The following ANXA8 variants were observed in gnomAD, a reference collection of about 807,000 sequenced individuals.
ANXA8 encodes the protein VAC-beta.
In ANXA8, 9 loss-of-function variants were observed where a neutral mutation model predicts 26.8. The observed-to-expected ratio is 0.34, with a 90% CI of 0.20 to 0.59. ANXA8 has a LOEUF of 0.59. ANXA8 is among the 20% of genes least tolerant of loss of function. The pLI is 0.84. For missense variants in ANXA8, 83 were observed against 238.5 expected (o/e 0.35, Z 4.29); for synonymous variants, 39 against 94.8 (o/e 0.41, Z 3.42).
chr10:47,939,966 C>A, the ANXA8 span, among the ~76,000 whole-genome samples: 1 of 139,186 alleles, frequency 7.2e-6, no homozygotes, highest in African/African-American at 2.7e-5. Context: ...TCCAGCACCC[C>A]CTCACTCCCA....
At chr10:47,703,467 C>G in the ANXA8 span, among the ~76,000 whole-genome samples, 7 of 150,168 alleles carry the variant, frequency 4.7e-5, no homozygotes, top group African/African-American at 1.7e-4. Context: ...ATTCGGGAGG[C>G]TGAGGTGGGA....
chr10:47,484,417 C>T (rs1839981582), upstream of ANXA8: 3 of 1,105,832 alleles, frequency 2.7e-6, no homozygotes, highest in South Asian at 1.4e-5. Context: ...ATGGAGTATG[C>T]CATTTAATCA....
At chr10:47,559,142 C>CT in the ANXA8 span, among the ~76,000 whole-genome samples, 3,333 of 73,278 alleles carry the variant, frequency 0.045, 540 homozygotes, top group African/African-American at 0.12. Context: ...TGGAGTCTTA[C>CT]TTTTTTTTTT....
the ANXA8 span, among the ~76,000 whole-genome samples, chr10:47,946,012 CA>C: frequency 7.1e-6 from 1 of 140,994 alleles, no homozygotes; most frequent in Non-Finnish European, 1.5e-5. Flanking sequence ...GTGGCTAACA[CA>C]TTTTTTTTAG....
chr10:47,953,111 C>T, the ANXA8 span, among the ~76,000 whole-genome samples: 5 of 150,258 alleles, frequency 3.3e-5, no homozygotes, highest in Non-Finnish European at 4.4e-5. Context: ...ATAAATGGGC[C>T]TTATTGAAAT....
chr10:47,572,539 A>C, the ANXA8 span, among the ~76,000 whole-genome samples: 1 of 151,102 alleles, frequency 6.6e-6, no homozygotes, highest in Non-Finnish European at 1.5e-5. Context: ...AACATGGTGA[A>C]ACCCCGTCTC....
the ANXA8 span, among the ~76,000 whole-genome samples, chr10:47,540,534 A>C: frequency 8.5e-6 from 1 of 117,790 alleles, no homozygotes; most frequent in African/African-American, 3.1e-5. Context: ...AAAACGCATG[A>C]TCCTTAAGAG....
chr10:47,702,267 A>C, the ANXA8 span, among the ~76,000 whole-genome samples: 7 of 151,250 alleles, frequency 4.6e-5, no homozygotes, highest in Non-Finnish European at 1.5e-5. Flanking sequence ...AGCACAGCAC[A>C]GATGCAGTTA....
chr10:47,711,853 C>T, the ANXA8 span, among the ~76,000 whole-genome samples: 5 of 45,792 alleles, frequency 1.1e-4, no homozygotes, highest in Non-Finnish European at 2.0e-4. Flanking sequence ...GTATTGAAAA[C>T]GTATGAATCC....
the ANXA8 span, among the ~76,000 whole-genome samples, chr10:47,958,213 T>C: frequency 8.7e-5 from 13 of 150,016 alleles, 2 homozygotes; most frequent in Non-Finnish European, 1.6e-4. Context: ...GCGTGGTGGT[T>C]CATGCCTGTA....
chr10:47,959,802 T>C, the ANXA8 span, among the ~76,000 whole-genome samples: 1 of 150,522 alleles, frequency 6.6e-6, no homozygotes, highest in Non-Finnish European at 1.5e-5. Context: ...GCTCTATGAC[T>C]TCTCTGACCC....
the ANXA8 span, among the ~76,000 whole-genome samples, chr10:47,535,061 G>A: frequency 8.7e-6 from 1 of 115,110 alleles, no homozygotes. Context: ...TGCAGCCTCC[G>A]CCTCCCAGGT....
the ANXA8 span, among the ~76,000 whole-genome samples, chr10:47,699,730 A>C: frequency 4.6e-3 from 693 of 151,722 alleles, 8 homozygotes; most frequent in African/African-American, 0.016. Context: ...TGGGAGGCTG[A>C]GGTAAAAGGA....
At chr10:47,766,127 T>A in the ANXA8 span, among the ~76,000 whole-genome samples, 1 of 137,602 alleles carries the variant, frequency 7.3e-6, no homozygotes, top group Non-Finnish European at 1.6e-5. Context: ...CCGTGTCTTA[T>A]TCAGCTTGGC....
At chr10:47,684,431 G>GT in the ANXA8 span, among the ~76,000 whole-genome samples, 30 of 147,124 alleles carry the variant, frequency 2.0e-4, no homozygotes, top group East Asian at 1.4e-3. Context: ...TTTGGGGGGG[G>GT]GGTGAGGAGG....
At chr10:47,488,985 G>C (rs1439159686), upstream of ANXA8, among the ~76,000 whole-genome samples, 1 of 148,046 alleles carries the variant, frequency 6.8e-6, no homozygotes, top group African/African-American at 2.5e-5. Context: ...AAAGTGCTGG[G>C]ATTACAGGCG....
chr10:47,587,240 A>C, the ANXA8 span, among the ~76,000 whole-genome samples: 1 of 148,932 alleles, frequency 6.7e-6, no homozygotes, highest in East Asian at 1.9e-4. Context: ...GAAATGGATT[A>C]GCTTGCTGAC....
At chr10:47,571,426 C>T in the ANXA8 span, among the ~76,000 whole-genome samples, 14 of 149,330 alleles carry the variant, frequency 9.4e-5, no homozygotes, top group Non-Finnish European at 1.5e-4. Flanking sequence ...TCTCACTTCT[C>T]GGCAAACCTT....
the ANXA8 span, among the ~76,000 whole-genome samples, chr10:47,647,652 A>G: frequency 3.3e-5 from 5 of 149,666 alleles, no homozygotes; most frequent in African/African-American, 1.3e-4. Flanking sequence ...GATGTTTTGT[A>G]TATAAAAAAC....
Sources: allele counts gnomAD v4.1 joint callset (sites outside exome capture counted in the v4.1 genomes callset), GRCh38; gene constraint gnomAD v4.1.1; transcripts MANE v1.5; gene names NCBI Gene and HGNC (gene_info 2026-07-23, HGNC 2026-07-21).